PHF14: variants seen among roughly 807,000 people sequenced by gnomAD.
The protein encoded by PHF14 is PHD finger protein 14.
In PHF14, 55 loss-of-function variants were observed where a neutral mutation model predicts 117.9. That is an observed-to-expected ratio of 0.47 (90% CI 0.38 to 0.58). PHF14 has a LOEUF of 0.58. PHF14 is among the 20% of genes least tolerant of loss of function. The probability of loss-of-function intolerance (pLI) is 0.00; values close to 1 mark genes in which losing one functional copy is unlikely to be tolerated. For synonymous variants in PHF14, 409 were observed against 368.6 expected, an observed-to-expected ratio of 1.11 and a Z score of -1.26; for missense variants, 978 against 1,122.2, an observed-to-expected ratio of 0.87 and a Z score of 1.84.
chr7:11,105,234 T>C (rs1451186344), intron 16 of PHF14: 22 of 959,318 alleles, frequency 2.3e-5, no homozygotes, highest in Non-Finnish European at 2.6e-5. Flanking sequence ...ATGCATTGTT[T>C]ATAGATCATT....
chr7:10,987,003 C>G (rs970926981), intron 3 of PHF14, among the ~76,000 whole-genome samples: 1 of 151,956 alleles, frequency 6.6e-6, no homozygotes, highest in African/African-American at 2.4e-5. Flanking sequence ...TAAAAGTCTC[C>G]GTTAAGTACA....
chr7:11,147,972 CCA>C (rs1788595133), intron 17 of PHF14, among the ~76,000 whole-genome samples: 1 of 152,118 alleles, frequency 6.6e-6, no homozygotes, highest in Non-Finnish European at 1.5e-5. Flanking sequence ...TTTACTTCTC[CCA>C]CAGTCTTTCC....
At chr7:11,100,177 A>G (rs913643079) in intron 16 of PHF14, among the ~76,000 whole-genome samples, 1 of 152,084 alleles carries the variant, frequency 6.6e-6, no homozygotes, top group African/African-American at 2.4e-5. Flanking sequence ...CTTTGGACAT[A>G]TGAAATAGAC....
At chr7:11,082,003 G>A (rs6968626) in intron 16 of PHF14, among the ~76,000 whole-genome samples, 2,108 of 152,092 alleles carry the variant, frequency 0.014, 40 homozygotes, top group African/African-American at 0.048. Context: ...AATAGTGTAC[G>A]TAGAATTCTA....
At chr7:11,096,014 C>T (rs1352678773) in intron 16 of PHF14, among the ~76,000 whole-genome samples, 3 of 152,034 alleles carry the variant, frequency 2.0e-5, no homozygotes, top group African/African-American at 4.8e-5. Context: ...AGGTTTAGTC[C>T]ACTGAGAATC....
intron 17 of PHF14, among the ~76,000 whole-genome samples, chr7:11,134,914 C>T (rs1041925642): frequency 1.3e-5 from 2 of 152,084 alleles, no homozygotes; most frequent in East Asian, 1.9e-4. Context: ...TGAATGCATT[C>T]TTATGTGTGT....
intron 16 of PHF14, among the ~76,000 whole-genome samples, chr7:11,096,856 A>G (rs1363191493): frequency 2.0e-5 from 3 of 151,984 alleles, no homozygotes; most frequent in Non-Finnish European, 4.4e-5. Flanking sequence ...TTGACTTATC[A>G]CTATATACTG....
chr7:11,099,219 CCTGT>C (rs772784931), intron 16 of PHF14, among the ~76,000 whole-genome samples: 75 of 152,052 alleles, frequency 4.9e-4, no homozygotes, highest in Non-Finnish European at 1.0e-3. Context: ...GAATGGCTAA[CCTGT>C]CTAACACATT....
At chr7:11,040,976 C>G (rs1297812451) in intron 12 of PHF14, among the ~76,000 whole-genome samples, 2 of 151,760 alleles carry the variant, frequency 1.3e-5, no homozygotes, top group Non-Finnish European at 2.9e-5. Context: ...AACCTAAACT[C>G]TATGGAAATG....
intron 17 of PHF14, among the ~76,000 whole-genome samples, chr7:11,127,692 T>C (rs756379123): frequency 5.9e-5 from 9 of 152,138 alleles, no homozygotes; most frequent in Non-Finnish European, 1.0e-4. Context: ...GTTTCACCTT[T>C]CCTCATTCTT....
In PHF14 at chr7:10,982,521, G is replaced by A; in HGVS notation, c.262G>A (p.Glu88Lys). The A allele has an allele frequency of 6.5e-7, 1 of 1,539,054 alleles. No individual in the cohort carries two copies. Among genetic ancestry groups the A allele is most frequent in the South Asian group, 1.2e-5 (1 of 84,628 alleles). ...EEQLKNSAEE[E>K]VLSSEKQLIK... ...ACAACTTAAAAATTCTGCAGAGGAA[G>A]AAGTACTATCATCAGAAAAACAATT... The change falls in exon 3 of 18, where the codon GAA (glutamate) becomes AAA (lysine). Residue 88 changes from glutamate to lysine, a missense_variant. Glu to Lys is a moderately conservative substitution (Grantham distance 56). Transcript: ENST00000634607.
rs1475057671 is a variant in PHF14, at chr7:10,981,490, G to A, written c.113-882G>A. ...TTACTAAGTAGTGTTGGGTTGAGAG[G>A]GACTGGGCTGCCCTAGGCAGGAGTG... On this transcript the variant is annotated intron_variant, in intron 2 of 17. Coordinates refer to ENST00000634607, the MANE Select transcript of PHF14 (RefSeq NM_001007157.2). Among the ~76,000 whole-genome samples, 3 of 152,174 alleles carry A rather than the reference G, an allele frequency of 2.0e-5. No individual in the cohort carries two copies. The East Asian group carries it at 5.8e-4, about 29-fold the overall frequency.
Position 11,111,347 on chromosome 7 carries a change from C to T in PHF14, c.2655-3C>T. The T allele has an allele frequency of 1.4e-6, 2 of 1,481,376 alleles. 1 individual carries two copies. Among genetic ancestry groups the T allele is most frequent in the African/African-American group, 2.8e-5 (2 of 72,452 alleles). 91.8% of individuals were successfully genotyped at this position (1,481,376 alleles called of 1,614,324 possible). ...CCTACCTATAAATCTGTTTACCCTG[C>T]AGGTGTGATGAATGCAGACTCTGCT... is the stretch of plus-strand genomic sequence containing the variant. On this transcript the variant is annotated splice_region_variant and splice_polypyrimidine_tract_variant and intron_variant, in intron 16 of 17. Transcript: ENST00000634607.
chr7:11,054,355 T>C (rs1444409547), intron 14 of PHF14, among the ~76,000 whole-genome samples: 2 of 152,172 alleles, frequency 1.3e-5, no homozygotes, highest in African/African-American at 4.8e-5. Flanking sequence ...TGAAAATAAC[T>C]ACTAATGGTG....
intron 6 of PHF14, 69 bp downstream of exon 6, chr7:11,023,048 A>G: frequency 1.3e-6 from 1 of 775,352 alleles, no homozygotes; most frequent in South Asian, 1.8e-5. Context: ...CTGGCTTTTT[A>G]TTTGTATTAT....
chr7:11,070,559 A>T (rs548759604), intron 16 of PHF14, among the ~76,000 whole-genome samples: 2 of 152,230 alleles, frequency 1.3e-5, no homozygotes, highest in South Asian at 2.1e-4. Flanking sequence ...CTTCCTTCTA[A>T]GCCTACATCA....
rs536614347 is a variant in PHF14, at chr7:11,062,728, C to T, written c.2654+643C>T. 1.8e-5 allele frequency: 18 copies of T among 985,068 alleles called. No individual in the cohort carries two copies. The African/African-American group carries it at 3.1e-4, about 17-fold the overall frequency. 61.0% of individuals were successfully genotyped at this position (985,068 alleles called of 1,614,324 possible). The stretch of plus-strand genomic sequence containing the variant: ...TGCACATTGGCTTTTCCCAACGGTC[C>T]AGAGGCTGCTAATTTTAGCGGAAAT... On this transcript the variant is annotated intron_variant, in intron 16 of 17. Coordinates refer to ENST00000634607, the MANE Select transcript of PHF14 (RefSeq NM_001007157.2).
intron 7 of PHF14, among the ~76,000 whole-genome samples, chr7:11,030,523 G>A (rs1784084586): frequency 6.6e-6 from 1 of 152,094 alleles, no homozygotes; most frequent in Non-Finnish European, 1.5e-5. Context: ...ATGGAGTTAT[G>A]GGATTTGGAG....
chr7:11,062,149 A>G, intron 16 of PHF14, 64 bp downstream of exon 16: 2 of 1,396,900 alleles, frequency 1.4e-6, no homozygotes, highest in Non-Finnish European at 1.9e-6. Flanking sequence ...TTCTCATCAC[A>G]GAAAAAATGA....
Sources: gnomAD v4.1 joint callset for allele counts (sites outside exome capture counted in the v4.1 genomes callset) on GRCh38, gnomAD v4.1.1 for gene constraint, MANE v1.5 for transcripts, NCBI Gene and HGNC (gene_info 2026-07-23, HGNC 2026-07-21) for gene names.